Variants in MAST4 observed in about 807,000 individuals in gnomAD.
MAST4 encodes microtubule-associated serine/threonine-protein kinase 4.
Under a neutral mutation model 162.7 loss-of-function variants are expected in MAST4, and 89 were observed. The ratio of observed to expected loss-of-function variants is 0.55; its 90% CI spans 0.46 to 0.65. MAST4 has a LOEUF of 0.65. Among genes scored for constraint, MAST4 ranks in the 30% least tolerant of loss-of-function variants. The pLI is 0.00. For missense variants in MAST4, 3,153 were observed against 3,374.0 expected (o/e 0.93, Z 1.62); for synonymous variants, 1,479 against 1,361.1 (o/e 1.09, Z -1.91).
chr5:66,926,761 AAG>A (rs1299976695), intron 4 of MAST4, among the ~76,000 whole-genome samples: 1 of 152,098 alleles, frequency 6.6e-6, no homozygotes, highest in Non-Finnish European at 1.5e-5. Flanking sequence ...TGAAGGAAAA[AAG>A]GAAAGAAAAT....
intron 4 of MAST4, among the ~76,000 whole-genome samples, chr5:67,035,509 T>A (rs1296261248): frequency 6.6e-6 from 1 of 152,168 alleles, no homozygotes; most frequent in Non-Finnish European, 1.5e-5. Flanking sequence ...AGCTGCTTGA[T>A]GTAACCTTTA....
intron 1 of MAST4, among the ~76,000 whole-genome samples, chr5:66,674,748 G>A (rs546699121): frequency 2.0e-5 from 3 of 152,318 alleles, no homozygotes; most frequent in African/African-American, 7.2e-5. Context: ...AGGGGTAGGG[G>A]TGGATTCTGC....
intron 3 of MAST4, among the ~76,000 whole-genome samples, chr5:66,797,424 A>G (rs987627032): frequency 1.3e-5 from 2 of 152,152 alleles, no homozygotes; most frequent in Non-Finnish European, 1.5e-5. Flanking sequence ...AGTAGTGGTA[A>G]TTATACTTAT....
intron 1 of MAST4, among the ~76,000 whole-genome samples, chr5:66,686,375 G>C (rs1748656781): frequency 6.6e-6 from 1 of 152,078 alleles, no homozygotes; most frequent in African/African-American, 2.4e-5. Context: ...TCCAAAAGTA[G>C]ATGAAAAGTT....
intron 4 of MAST4, among the ~76,000 whole-genome samples, chr5:67,035,563 C>T (rs1755910693): frequency 2.6e-5 from 4 of 152,226 alleles, no homozygotes; most frequent in Admixed American, 6.5e-5. Context: ...ACTTCCTACT[C>T]ATCAGAGTTA....
Position 67,160,538 on chromosome 5 carries a change from A to G in MAST4, c.3731A>G (p.Lys1244Arg). The G allele has an allele frequency of 2.5e-6, 4 of 1,613,970 alleles. No homozygotes were observed. Among genetic ancestry groups the G allele is most frequent in the Non-Finnish European group, 3.4e-6 (4 of 1,179,852 alleles). Residue 1244 changes from lysine (K) to arginine (R), a missense_variant, in exon 27 of 29, where the codon AAG becomes AGG. Lys to Arg is a conservative substitution (Grantham distance 26). Coordinates refer to ENST00000403625, the MANE Select transcript of MAST4 (RefSeq NM_001164664.2). ...GGACCAGCCAGGAGAAACAGCTATA[A>G]GAGCCGGATGGTGAGGCGGAGCAAG... Reference protein sequence around the residue: ...KTGPARRNSYKSRMVRRSKKS... With the variant: ...KTGPARRNSYRSRMVRRSKKS...
chr5:67,078,919 T>TTTATATAA (rs1561622112), intron 5 of MAST4, among the ~76,000 whole-genome samples: 11 of 65,870 alleles, frequency 1.7e-4, no homozygotes, highest in South Asian at 1.6e-3. Context: ...TAAATATATA[T>TTTATATAA]ATATATATAT....
chr5:66,896,440 A>G (rs959832578), intron 3 of MAST4, among the ~76,000 whole-genome samples: 7 of 151,942 alleles, frequency 4.6e-5, no homozygotes, highest in East Asian at 1.9e-4. Flanking sequence ...TTTCTATTCT[A>G]TTATTTGGAA....
chr5:66,952,223 G>A (rs1293989833), intron 4 of MAST4, among the ~76,000 whole-genome samples: 2 of 152,138 alleles, frequency 1.3e-5, no homozygotes. Context: ...GAGGAAGAGA[G>A]GAAGATGTTT....
chr5:67,104,095 G>A (rs187958418), intron 9 of MAST4, among the ~76,000 whole-genome samples: 48 of 152,336 alleles, frequency 3.2e-4, no homozygotes, highest in East Asian at 1.5e-3. Context: ...GATTTCCCAT[G>A]TACCTGGGAA....
Position 66,596,434 on chromosome 5 carries a change from G to C in MAST4, c.-222G>C. ...CGCGGACCCGAGCGGGCATGTCCCC[G>C]CGCGCGGGAGCCTCCGTTTGCGGCC... On this transcript the variant is annotated 5_prime_UTR_variant, in exon 1 of 29. Transcript: ENST00000403625. The C allele has an allele frequency of 2.2e-6, 1 of 448,746 alleles. No individual in the cohort carries two copies. The highest frequency in any genetic ancestry group is 3.7e-6 in the Non-Finnish European group (1 of 273,188). 27.8% of individuals were successfully genotyped at this position (448,746 alleles called of 1,614,324 possible).
At position 66,702,666 on chromosome 5, in the gene MAST4, G is replaced by A. The variant is rs371313070; in HGVS notation, c.364-57043G>A. ...ACCCTGAGGCAGGACTGTGTTTGAA[G>A]ATAAAGAGGTGAGTGTGGCTGGAGC... On this transcript the variant is annotated intron_variant, in intron 1 of 28. Transcript: ENST00000403625. 1.6e-3 allele frequency among the ~76,000 whole-genome samples: 250 copies of A among 152,268 alleles called. 1 individual carries two copies. Among genetic ancestry groups the A allele is most frequent in the African/African-American group, 5.6e-3 (234 of 41,562 alleles).
At chr5:67,069,033 C>T (rs926774609) in intron 5 of MAST4, among the ~76,000 whole-genome samples, 7 of 151,774 alleles carry the variant, frequency 4.6e-5, no homozygotes, top group African/African-American at 1.5e-4. Flanking sequence ...CGCTGATACA[C>T]GTATACCTAA....
chr5:67,049,049 A>ATATG (rs1757813450), intron 4 of MAST4, among the ~76,000 whole-genome samples: 1 of 113,936 alleles, frequency 8.8e-6, no homozygotes, highest in African/African-American at 3.6e-5. Context: ...ATACGTGTAT[A>ATATG]TATATATATA....
chr5:67,058,960 G>A (rs1198213280), intron 5 of MAST4, among the ~76,000 whole-genome samples: 1 of 152,210 alleles, frequency 6.6e-6, no homozygotes, highest in African/African-American at 2.4e-5. Flanking sequence ...TAATCTTACA[G>A]TTCTTCAGGG....
chr5:67,150,271 C>G (rs1158797735), intron 24 of MAST4, among the ~76,000 whole-genome samples: 1 of 152,142 alleles, frequency 6.6e-6, no homozygotes, highest in East Asian at 1.9e-4. Context: ...AAATATACAC[C>G]CTGATGGTTG....
chr5:67,039,256 G>C (rs1756421960), intron 4 of MAST4, among the ~76,000 whole-genome samples: 1 of 152,162 alleles, frequency 6.6e-6, no homozygotes, highest in South Asian at 2.1e-4. Flanking sequence ...TTCTGGTCTT[G>C]ATATGCAGTT....
intron 2 of MAST4, among the ~76,000 whole-genome samples, chr5:66,773,276 G>C (rs1223504258): frequency 6.6e-6 from 1 of 152,194 alleles, no homozygotes; most frequent in African/African-American, 2.4e-5. Context: ...ATTTGTCATT[G>C]TCATGTTCCA....
chr5:66,760,152 C>G (rs1232020421), intron 2 of MAST4, among the ~76,000 whole-genome samples: 1 of 151,192 alleles, frequency 6.6e-6, no homozygotes, highest in Non-Finnish European at 1.5e-5. Context: ...CGCTCCGTTG[C>G]TAGGCTGGAG....
Sources: gnomAD v4.1 joint callset for allele counts (sites outside exome capture counted in the v4.1 genomes callset) on GRCh38, gnomAD v4.1.1 for gene constraint, MANE v1.5 for transcripts, NCBI Gene and HGNC (gene_info 2026-07-23, HGNC 2026-07-21) for gene names.